Variants in PSD3 observed in about 807,000 individuals in gnomAD.
PSD3 encodes PH and SEC7 domain-containing protein 3.
PSD3 carries 49 observed loss-of-function variants against 105.5 expected under a neutral mutation model. The ratio of observed to expected loss-of-function variants is 0.46; its 90% CI spans 0.37 to 0.59. The LOEUF (loss-of-function observed/expected upper bound fraction) is 0.59. PSD3 is among the 20% of genes least tolerant of loss of function. The probability of loss-of-function intolerance (pLI) is 0.00; values close to 1 mark genes in which losing one functional copy is unlikely to be tolerated. For synonymous variants in PSD3, 557 were observed against 457.8 expected, an observed-to-expected ratio of 1.22 and a Z score of -2.77; for missense variants, 1,561 against 1,263.8, an observed-to-expected ratio of 1.24 and a Z score of -3.57.
Position 18,631,706 on chromosome 8 carries a change from A to G in PSD3, c.2410+907T>C, listed in dbSNP as rs376716168. Among the ~76,000 whole-genome samples, 5 of 152,046 alleles carry G rather than the reference A, an allele frequency of 3.3e-5. No individual in the cohort carries two copies. The East Asian group carries it at 5.8e-4, about 18-fold the overall frequency. On this transcript the variant is annotated intron_variant, in intron 11 of 15. Coordinates refer to ENST00000327040, the MANE Select transcript of PSD3 (RefSeq NM_015310.4). Reference sequence around the variant, plus strand: ...ATAAGGTGCACAGAAGATATGGTGGATGCACTCTTAAAGAACTTGGGAACA... The same window carrying G: ...ATAAGGTGCACAGAAGATATGGTGGGTGCACTCTTAAAGAACTTGGGAACA...
intron 9 of PSD3, among the ~76,000 whole-genome samples, chr8:18,747,130 C>A (rs1805095707): frequency 6.6e-6 from 1 of 152,202 alleles, no homozygotes; most frequent in African/African-American, 2.4e-5. Context: ...ATAATGCCCC[C>A]ACATCTTCAA....
At chr8:18,670,186 C>A (rs1263207076) in intron 9 of PSD3, among the ~76,000 whole-genome samples, 4 of 152,118 alleles carry the variant, frequency 2.6e-5, no homozygotes, top group Admixed American at 2.6e-4. Context: ...AGCAGCCACG[C>A]ACAGGTGTGG....
At position 18,556,369 on chromosome 8, in the gene PSD3, T is replaced by C. The variant is rs753069472; in HGVS notation, c.2785-17A>G. Reference sequence around the variant, plus strand: ...TTGCTCCTCCTGCAGGAAATCATGATGCCATTTAGCGTTCAAAAAAAAAAC... The same window carrying C: ...TTGCTCCTCCTGCAGGAAATCATGACGCCATTTAGCGTTCAAAAAAAAAAC... On this transcript the variant is annotated splice_polypyrimidine_tract_variant and intron_variant, in intron 14 of 15. Coordinates refer to ENST00000327040, the MANE Select transcript of PSD3 (RefSeq NM_015310.4). 1.9e-6 allele frequency: 3 copies of C among 1,603,110 alleles called. No individual in the cohort carries two copies. Among genetic ancestry groups the C allele is most frequent in the African/African-American group, 1.4e-5 (1 of 72,510 alleles).
At chr8:19,055,760 C>A (rs1451754611) in intron 1 of PSD3, among the ~76,000 whole-genome samples, 1 of 152,208 alleles carries the variant, frequency 6.6e-6, no homozygotes, top group African/African-American at 2.4e-5. Flanking sequence ...TGAATTCACA[C>A]CTCCTGCTGT....
At chr8:18,595,957 T>C (rs545050477) in intron 12 of PSD3, among the ~76,000 whole-genome samples, 83 of 152,204 alleles carry the variant, frequency 5.5e-4, no homozygotes, top group Non-Finnish European at 9.6e-4. Flanking sequence ...ATATATATTC[T>C]TCTCAAGTGC....
chr8:18,849,012 A>C (rs1475643285), intron 4 of PSD3, among the ~76,000 whole-genome samples: 1 of 152,248 alleles, frequency 6.6e-6, no homozygotes, highest in East Asian at 1.9e-4. Flanking sequence ...AAGATGTCAG[A>C]AAATCCAAGG....
intron 15 of PSD3, among the ~76,000 whole-genome samples, chr8:18,538,583 C>T (rs528099858): frequency 2.8e-4 from 43 of 152,166 alleles, no homozygotes; most frequent in Non-Finnish European, 4.6e-4. Context: ...AGGAAACCAG[C>T]GTAAGGCATA....
intron 10 of PSD3, among the ~76,000 whole-genome samples, chr8:18,652,434 G>A (rs1402707760): frequency 1.3e-5 from 2 of 150,332 alleles, no homozygotes; most frequent in African/African-American, 4.9e-5. Flanking sequence ...AAACGGGAGA[G>A]CACAGTGTTA....
chr8:19,053,292 A>AG lies in PSD3; in HGVS notation c.324+30913dup, dbSNP rs1828594331. ...TGGCTCTGGAACAAGTGCTGAGGAC[A>AG]GAATCATCCCTCCGCACTGCGTCCC... On this transcript the variant is annotated intron_variant, in intron 1 of 1. Transcript: ENST00000521475. 2.0e-5 allele frequency among the ~76,000 whole-genome samples: 3 copies of AG among 152,210 alleles called. No homozygotes were observed. The South Asian group carries it at 6.2e-4, about 32-fold the overall frequency.
At chr8:19,024,833 A>G (rs1224097359) in intron 1 of PSD3, among the ~76,000 whole-genome samples, 1 of 152,150 alleles carries the variant, frequency 6.6e-6, no homozygotes, top group Non-Finnish European at 1.5e-5. Flanking sequence ...AAAACCCTGA[A>G]GCATCCCCAG....
At chr8:18,736,832 G>A (rs989224264) in intron 9 of PSD3, among the ~76,000 whole-genome samples, 2 of 152,100 alleles carry the variant, frequency 1.3e-5, no homozygotes, top group Admixed American at 1.3e-4. Context: ...TTTTCCAAAG[G>A]TAAATTTGGC....
At chr8:18,985,230 G>A (rs368312876) in intron 1 of PSD3, among the ~76,000 whole-genome samples, 40 of 152,180 alleles carry the variant, frequency 2.6e-4, no homozygotes, top group African/African-American at 7.9e-4. Flanking sequence ...CACCGCGCCC[G>A]GTCATCCTTT....
At chr8:19,015,612 CA>C (rs1007525177), upstream of PSD3, among the ~76,000 whole-genome samples, 3 of 151,748 alleles carry the variant, frequency 2.0e-5, no homozygotes, top group African/African-American at 7.3e-5. Flanking sequence ...CATAAACAAA[CA>C]AAAAAAAGTA....
intron 1 of PSD3, among the ~76,000 whole-genome samples, chr8:19,039,571 C>A (rs749313908): frequency 3.9e-5 from 6 of 152,120 alleles, no homozygotes; most frequent in Non-Finnish European, 7.3e-5. Context: ...TTCATCAAAC[C>A]CTTTCTCTAG....
At position 18,528,401 on chromosome 8, in the gene PSD3, C is replaced by T. The variant is rs1041247741; in HGVS notation, c.*7342G>A. The T allele has an allele frequency of 1.1e-4, 17 of 152,208 alleles. No homozygotes were observed. The highest frequency in any genetic ancestry group is 4.1e-4 in the African/African-American group (17 of 41,440). 9.4% of individuals were successfully genotyped at this position (152,208 alleles called of 1,614,324 possible). A position where few individuals can be genotyped will look rare whatever the true frequency, so the allele number is the denominator to read the frequency against. On this transcript the variant is annotated 3_prime_UTR_variant, in exon 16 of 16. Coordinates refer to ENST00000327040, the MANE Select transcript of PSD3 (RefSeq NM_015310.4). ...TAAAATACGTGGTGTTAACTTCACT[C>T]AGAGAATCTTTGTCATGACGTTTGT...
chr8:18,586,057 C>T (rs1192790808), intron 12 of PSD3, among the ~76,000 whole-genome samples: 2 of 152,030 alleles, frequency 1.3e-5, no homozygotes, highest in African/African-American at 4.8e-5. Context: ...ACTTTAATAC[C>T]TAAGAGGCTG....
At chr8:18,690,624 C>T (rs1223572342) in intron 9 of PSD3, among the ~76,000 whole-genome samples, 1 of 152,204 alleles carries the variant, frequency 6.6e-6, no homozygotes, top group Non-Finnish European at 1.5e-5. Context: ...ACATCTGAGC[C>T]TGCACCAGAA....
At chr8:18,648,208 A>G (rs958106745) in intron 10 of PSD3, among the ~76,000 whole-genome samples, 1 of 152,198 alleles carries the variant, frequency 6.6e-6, no homozygotes, top group African/African-American at 2.4e-5. Flanking sequence ...GATGGCTCAG[A>G]AGATGACAGG....
intron 10 of PSD3, among the ~76,000 whole-genome samples, chr8:18,639,618 G>A (rs974288958): frequency 2.0e-5 from 3 of 152,138 alleles, no homozygotes; most frequent in African/African-American, 7.2e-5. Context: ...GGAAGACCCT[G>A]AAGCTACCAC....
Sources: gnomAD v4.1 joint callset for allele counts (sites outside exome capture counted in the v4.1 genomes callset) on GRCh38, gnomAD v4.1.1 for gene constraint, MANE v1.5 for transcripts, NCBI Gene and HGNC (gene_info 2026-07-23, HGNC 2026-07-21) for gene names.